Variants in GRIK4 observed in about 807,000 individuals in gnomAD.
GRIK4 encodes glutamate receptor ionotropic, kainate 4.
In GRIK4, 40 loss-of-function variants were observed where a neutral mutation model predicts 104.9. The observed-to-expected ratio is 0.38, with a 90% CI of 0.30 to 0.50. The LOEUF (loss-of-function observed/expected upper bound fraction) is 0.50, where lower values mean the gene tolerates loss of function less well. Ranked by LOEUF, GRIK4 falls within the 20% of genes least tolerant of loss-of-function variation. The pLI is 0.93. For synonymous variants in GRIK4, 485 were observed against 524.9 expected (o/e 0.92, Z 1.04); for missense variants, 1,047 against 1,308.1 (o/e 0.80, Z 3.08).
chr11:120,803,023 G>A (rs1438688092), intron 4 of GRIK4, among the ~76,000 whole-genome samples, 166 bp downstream of exon 4: 3 of 152,222 alleles, frequency 2.0e-5, no homozygotes, highest in Non-Finnish European at 4.4e-5. Context: ...CTCTCAGCCT[G>A]GATGAGATTC....
chr11:120,909,939 T>A (rs536826036), intron 13 of GRIK4, among the ~76,000 whole-genome samples: 1 of 152,266 alleles, frequency 6.6e-6, no homozygotes, highest in South Asian at 2.1e-4. Flanking sequence ...GCAACAGTGT[T>A]GGGAGGTGGG....
At chr11:120,631,185 C>T (rs1949328505) in intron 1 of GRIK4, among the ~76,000 whole-genome samples, 1 of 152,230 alleles carries the variant, frequency 6.6e-6, no homozygotes, top group South Asian at 2.1e-4. Flanking sequence ...TGTTTGCCTT[C>T]ATTGTAATGA....
At chr11:120,633,253 T>C (rs1949353317) in intron 1 of GRIK4, among the ~76,000 whole-genome samples, 3 of 152,180 alleles carry the variant, frequency 2.0e-5, no homozygotes, top group African/African-American at 7.2e-5. Context: ...TTTAAAGTAC[T>C]TAAATGGCCA....
At chr11:120,654,826 A>C (rs974304350) in intron 2 of GRIK4, among the ~76,000 whole-genome samples, 6 of 152,178 alleles carry the variant, frequency 3.9e-5, no homozygotes, top group African/African-American at 1.2e-4. Context: ...CAGCTAGTAC[A>C]TGGCAGTGTA....
intron 1 of GRIK4, among the ~76,000 whole-genome samples, chr11:120,519,557 T>C (rs760012288): frequency 3.1e-4 from 47 of 152,198 alleles, no homozygotes; most frequent in Non-Finnish European, 1.0e-4. Flanking sequence ...ACTTCTATTG[T>C]TTACCAGCTA....
chr11:120,960,390 A>C (rs1199835749), intron 16 of GRIK4, among the ~76,000 whole-genome samples: 2 of 152,212 alleles, frequency 1.3e-5, no homozygotes, highest in African/African-American at 4.8e-5. Flanking sequence ...TCTGAGCCTC[A>C]ATTTCCTCAC....
chr11:120,632,850 G>C lies in GRIK4; in HGVS notation c.-158-20835G>C, dbSNP rs191157965. Among the ~76,000 whole-genome samples the C allele has an allele frequency of 3.5e-4, 53 of 152,166 alleles. 1 individual carries two copies. The East Asian group carries it at 9.3e-3, about 27-fold the overall frequency. On this transcript the variant is annotated intron_variant, in intron 1 of 20. Transcript: ENST00000527524. The stretch of plus-strand genomic sequence containing the variant: ...TGGAGTGTGCTTCTCTGCTGTAGAG[G>C]AACACCCAGCTTGGGGCCATTGACA...
chr11:120,773,510 T>A (rs1951985147), intron 3 of GRIK4, among the ~76,000 whole-genome samples: 1 of 152,108 alleles, frequency 6.6e-6, no homozygotes, highest in Non-Finnish European at 1.5e-5. Flanking sequence ...GTGGTAAGCG[T>A]GCGAATGGAT....
intron 11 of GRIK4, among the ~76,000 whole-genome samples, chr11:120,884,485 G>T (rs1452841644): frequency 6.6e-6 from 1 of 152,230 alleles, no homozygotes; most frequent in Non-Finnish European, 1.5e-5. Flanking sequence ...GCCAGGCGGG[G>T]TGCACACCAG....
intron 2 of GRIK4, among the ~76,000 whole-genome samples, chr11:120,657,775 G>A (rs56403729): frequency 0.03 from 4,600 of 152,330 alleles, 102 homozygotes; most frequent in Non-Finnish European, 0.047. Flanking sequence ...GCGTGTGGAT[G>A]AAATGTTGAG....
At chr11:120,985,775 A>C (rs1944731917) in intron 20 of GRIK4, 129 bp from the exon 21 acceptor site, 1 of 762,270 alleles carries the variant, frequency 1.3e-6, no homozygotes, top group Admixed American at 2.8e-5. Flanking sequence ...AAAGGCTTTT[A>C]TCATCTTCAT....
At chr11:120,944,997 TAAAA>T in intron 14 of GRIK4, among the ~76,000 whole-genome samples, 1 of 145,000 alleles carries the variant, frequency 6.9e-6, no homozygotes, top group Non-Finnish European at 1.5e-5. Flanking sequence ...GGTGTTGGTT[TAAAA>T]AAAAAAAAAG....
At chr11:120,833,441 T>C (rs1953491463) in intron 7 of GRIK4, among the ~76,000 whole-genome samples, 1 of 152,120 alleles carries the variant, frequency 6.6e-6, no homozygotes, top group Non-Finnish European at 1.5e-5. Context: ...GGGCCCTCTT[T>C]AGGGAAGGTT....
intron 1 of GRIK4, among the ~76,000 whole-genome samples, chr11:120,637,757 G>A (rs1034989578): frequency 2.0e-5 from 3 of 152,058 alleles, no homozygotes; most frequent in Non-Finnish European, 4.4e-5. Flanking sequence ...GCTTAAAGCC[G>A]ACACTGCAGA....
At chr11:120,962,823 GTT>G (rs11306910) in intron 18 of GRIK4, 142 bp downstream of exon 18, 174,949 of 448,820 alleles carry the variant, frequency 0.39, 17,455 homozygotes, top group Admixed American at 0.5. Context: ...GCATTCTAAA[GTT>G]TTTTTTTTTT....
chr11:120,635,834 A>G (rs1231713443), intron 1 of GRIK4, among the ~76,000 whole-genome samples: 2 of 152,256 alleles, frequency 1.3e-5, no homozygotes, highest in African/African-American at 4.8e-5. Flanking sequence ...TGCACAAATC[A>G]TAAGTGTATG....
At chr11:120,850,489 G>A (rs2135598019) in intron 8 of GRIK4, among the ~76,000 whole-genome samples, 1 of 152,336 alleles carries the variant, frequency 6.6e-6, no homozygotes, top group Non-Finnish European at 1.5e-5. Flanking sequence ...GACACTTGAG[G>A]CAGGAAATCC....
chr11:120,766,297 C>T (rs918306934), intron 3 of GRIK4, among the ~76,000 whole-genome samples: 1 of 152,228 alleles, frequency 6.6e-6, no homozygotes, highest in Non-Finnish European at 1.5e-5. Flanking sequence ...GCAAACGCCC[C>T]TCCCCCCACC....
chr11:120,758,240 C>T (rs918333494), intron 3 of GRIK4, among the ~76,000 whole-genome samples: 1 of 152,202 alleles, frequency 6.6e-6, no homozygotes, highest in African/African-American at 2.4e-5. Context: ...TGGGGGGCCC[C>T]TGTGCCTAAC....
Sources: allele counts gnomAD v4.1 joint callset (sites outside exome capture counted in the v4.1 genomes callset), GRCh38; gene constraint gnomAD v4.1.1; transcripts MANE v1.5; gene names NCBI Gene and HGNC (gene_info 2026-07-23, HGNC 2026-07-21).